ACAD11: variants seen among roughly 807,000 people sequenced by gnomAD.
ACAD11 encodes the protein acyl-CoA dehydrogenase family member 11.
In ACAD11, 83 loss-of-function variants were observed where a neutral mutation model predicts 102.2. That is an observed-to-expected ratio of 0.81 (90% CI 0.68 to 0.97). The LOEUF (loss-of-function observed/expected upper bound fraction) is 0.97, where lower values mean the gene tolerates loss of function less well. Among genes scored for constraint, ACAD11 ranks in the 50% least tolerant of loss-of-function variants. The pLI, the probability that ACAD11 is intolerant of heterozygous loss-of-function variation, is 0.00. For missense variants in ACAD11, 901 were observed against 951.7 expected (o/e 0.95, Z 0.70); for synonymous variants, 324 against 319.8 (o/e 1.01, Z -0.14).
chr3:132,599,053 C>T (rs898162366), intron 13 of ACAD11, among the ~76,000 whole-genome samples: 12 of 152,144 alleles, frequency 7.9e-5, no homozygotes, highest in African/African-American at 2.9e-4. Context: ...TGGCTCATGC[C>T]TGTTACTCCA....
chr3:132,613,648 C>T lies in ACAD11; in HGVS notation c.1414+4986G>A, dbSNP rs577111717. Among the ~76,000 whole-genome samples the T allele has an allele frequency of 4.6e-5, 7 of 152,132 alleles. No homozygotes were observed. The East Asian group carries it at 1.4e-3, about 29-fold the overall frequency. ...GTGCAGTGGCTCACGCCTGTAATCC[C>T]AGCACTTTGGGATGCCAAGGTGGAT... On this transcript the variant is annotated intron_variant, in intron 11 of 19. Coordinates refer to ENST00000264990, the MANE Select transcript of ACAD11 (RefSeq NM_032169.5).
intron 11 of ACAD11, among the ~76,000 whole-genome samples, chr3:132,616,883 GAT>G (rs1379003619): frequency 6.6e-6 from 1 of 152,146 alleles, no homozygotes; most frequent in Non-Finnish European, 1.5e-5. Flanking sequence ...TTGGAAAAGA[GAT>G]AATCATTTCA....
intron 13 of ACAD11, among the ~76,000 whole-genome samples, chr3:132,599,277 G>A (rs1034588932): frequency 6.6e-6 from 1 of 152,180 alleles, no homozygotes; most frequent in Admixed American, 6.5e-5. Context: ...GGAGGCCGAG[G>A]CAGGTGGATC....
chr3:132,639,155 G>C (rs938487674), intron 5 of ACAD11, among the ~76,000 whole-genome samples: 3 of 152,096 alleles, frequency 2.0e-5, no homozygotes, highest in Non-Finnish European at 2.9e-5. Flanking sequence ...AAATGAACCA[G>C]AAAAAACAGC....
chr3:132,609,813 G>A (rs553354932), intron 11 of ACAD11, among the ~76,000 whole-genome samples: 3 of 152,082 alleles, frequency 2.0e-5, no homozygotes, highest in Non-Finnish European at 2.9e-5. Context: ...AAACCTGGTG[G>A]AGACACAACA....
intron 11 of ACAD11, among the ~76,000 whole-genome samples, chr3:132,617,852 A>T (rs1243911903): frequency 6.6e-6 from 1 of 152,142 alleles, no homozygotes; most frequent in Non-Finnish European, 1.5e-5. Context: ...TTACTGGAAT[A>T]CATCAATCAC....
At chr3:132,651,741 A>C (rs1436881938) in intron 1 of ACAD11, among the ~76,000 whole-genome samples, 1 of 152,208 alleles carries the variant, frequency 6.6e-6, no homozygotes, top group Non-Finnish European at 1.5e-5. Context: ...AAAGGATATC[A>C]TTTTAGAACT....
chr3:132,656,852 T>G (rs1026850831), intron 1 of ACAD11, among the ~76,000 whole-genome samples: 13 of 151,034 alleles, frequency 8.6e-5, no homozygotes, highest in Non-Finnish European at 1.5e-4. Flanking sequence ...TTGTGTTGTT[T>G]TTTTTTTTTT....
intron 11 of ACAD11, among the ~76,000 whole-genome samples, chr3:132,607,168 A>G (rs1938881753): frequency 6.6e-6 from 1 of 152,214 alleles, no homozygotes; most frequent in Non-Finnish European, 1.5e-5. Context: ...AGATGAGGAA[A>G]AACCAGTGCA....
intron 11 of ACAD11, among the ~76,000 whole-genome samples, chr3:132,613,322 C>G (rs1381782390): frequency 6.6e-6 from 1 of 151,852 alleles, no homozygotes; most frequent in African/African-American, 2.4e-5. Flanking sequence ...CACATGTATA[C>G]ATATGTAATA....
At chr3:132,628,232 A>G in intron 8 of ACAD11, 108 bp downstream of exon 8, 1 of 609,986 alleles carries the variant, frequency 1.6e-6, no homozygotes, top group Non-Finnish European at 2.7e-6. Flanking sequence ...GGCAGCAGCA[A>G]TCCTGGTGTA....
intron 8 of ACAD11, among the ~76,000 whole-genome samples, chr3:132,627,924 A>G (rs1939890712): frequency 6.6e-6 from 1 of 152,234 alleles, no homozygotes; most frequent in Non-Finnish European, 1.5e-5. Flanking sequence ...TGATGAAGAC[A>G]TGGGTTTCAA....
At chr3:132,618,530 A>AT (rs1341424057) in intron 11 of ACAD11, 104 bp downstream of exon 11, 1 of 1,043,952 alleles carries the variant, frequency 9.6e-7, no homozygotes, top group East Asian at 3.2e-5. Context: ...AGCTAAATTC[A>AT]TAAGTCAATA....
chr3:132,588,431 T>C (rs1373392775), intron 13 of ACAD11, among the ~76,000 whole-genome samples: 1 of 152,192 alleles, frequency 6.6e-6, no homozygotes, highest in Non-Finnish European at 1.5e-5. Flanking sequence ...ATGACAAATA[T>C]ATGAGTTTTA....
chr3:132,634,467 A>G (rs1361380233), intron 5 of ACAD11, among the ~76,000 whole-genome samples: 1 of 152,022 alleles, frequency 6.6e-6, no homozygotes, highest in Non-Finnish European at 1.5e-5. Context: ...GGGACTGTAA[A>G]CTAGTTCAAC....
At chr3:132,601,834 A>G in intron 13 of ACAD11, 1 of 325,346 alleles carries the variant, frequency 3.1e-6, no homozygotes, top group East Asian at 8.8e-5. Flanking sequence ...CCTGGTTTTG[A>G]CATTATAGTA....
At chr3:132,580,118 C>T (rs1022172880) in intron 13 of ACAD11, among the ~76,000 whole-genome samples, 4 of 152,024 alleles carry the variant, frequency 2.6e-5, no homozygotes, top group African/African-American at 9.7e-5. Context: ...TACCATTTGA[C>T]TAGATTTTCA....
intron 9 of ACAD11, among the ~76,000 whole-genome samples, chr3:132,622,094 T>C (rs915316629): frequency 1.3e-5 from 2 of 152,162 alleles, no homozygotes; most frequent in African/African-American, 4.8e-5. Context: ...TTTGCTATTA[T>C]AGTATCTCTG....
chr3:132,585,429 T>C (rs986959379), intron 13 of ACAD11, among the ~76,000 whole-genome samples: 157 of 152,120 alleles, frequency 1.0e-3, no homozygotes, highest in African/African-American at 3.6e-3. Context: ...AGGACATAGG[T>C]ATGGGCAAGG....
Sources: gnomAD v4.1 joint callset for allele counts (sites outside exome capture counted in the v4.1 genomes callset) on GRCh38, gnomAD v4.1.1 for gene constraint, MANE v1.5 for transcripts, NCBI Gene and HGNC (gene_info 2026-07-23, HGNC 2026-07-21) for gene names.